The following RIMBP2 variants were observed in gnomAD, a reference collection of about 807,000 sequenced individuals.
The protein encoded by RIMBP2 is RIMS-binding protein 2.
Under a neutral mutation model 118.6 loss-of-function variants are expected in RIMBP2, and 48 were observed. The ratio of observed to expected loss-of-function variants is 0.40; its 90% confidence interval spans 0.32 to 0.51. The LOEUF (loss-of-function observed/expected upper bound fraction) is 0.51. Among genes scored for constraint, RIMBP2 ranks in the 20% least tolerant of loss-of-function variants. The pLI is 0.41. For synonymous variants in RIMBP2, 762 were observed against 742.9 expected (o/e 1.03, Z -0.42); for missense variants, 1,551 against 1,768.3 (o/e 0.88, Z 2.20).
chr12:130,513,510 G>C (rs1196407061), intron 3 of RIMBP2, among the ~76,000 whole-genome samples: 1 of 14,134 alleles, frequency 7.1e-5, no homozygotes, highest in African/African-American at 1.4e-4. Context: ...GGCCCAGTGC[G>C]GGGAGGAGGG....
intron 2 of RIMBP2, among the ~76,000 whole-genome samples, chr12:130,573,762 C>G (rs2057880973): frequency 6.6e-6 from 1 of 152,082 alleles, no homozygotes; most frequent in South Asian, 2.1e-4. Context: ...CAGCATGACA[C>G]AGCCGAGCTG....
chr12:130,620,441 G>A lies in RIMBP2; in HGVS notation c.-217+7881C>T, dbSNP rs149530778. ...GGTGGCCAGCACCAGGTTCTGCTGC[G>A]TGCAACCAGAGACCTCACGTTAGTT... On this transcript the variant is annotated intron_variant, in intron 2 of 22. Transcript: ENST00000690449. This position sits in a 1 kb window ranked among gnomAD's most constrained non-coding sequence, Gnocchi z 5.3. Among the ~76,000 whole-genome samples, 233 of 152,224 alleles carry A rather than the reference G, an allele frequency of 1.5e-3. 1 individual carries two copies. The highest frequency in any genetic ancestry group is 5.3e-3 in the African/African-American group (220 of 41,526).
intron 2 of RIMBP2, among the ~76,000 whole-genome samples, chr12:130,557,735 G>A (rs183468374): frequency 2.4e-4 from 36 of 152,302 alleles, no homozygotes; most frequent in Admixed American, 6.5e-4. Context: ...AGCTACCTGC[G>A]GAGATTGATT....
intron 2 of RIMBP2, among the ~76,000 whole-genome samples, chr12:130,592,561 C>A (rs1010235037): frequency 1.3e-5 from 2 of 151,942 alleles, no homozygotes; most frequent in Middle Eastern, 3.2e-3. Context: ...CAGTGGCAGG[C>A]GCCTGTAATC....
rs59695836 is a variant in RIMBP2 at position 130,420,347 on chromosome 12, CAT to C, written c.3238+2104_3238+2105del. On this transcript the variant is annotated intron_variant, in intron 17 of 22. Coordinates refer to ENST00000690449, the MANE Select transcript of RIMBP2 (RefSeq NM_001393629.1). The surrounding 1 kb of genome is among the most constrained non-coding windows in gnomAD (Gnocchi z 4.3). ...GTCAGCACAATTAAAGCAAACCTATCATAGGTTTGTCAGTTAACTCTTTTCTG... is the reference window on the plus strand; with the variant it reads ...GTCAGCACAATTAAAGCAAACCTATCAGGTTTGTCAGTTAACTCTTTTCTG... Among the ~76,000 whole-genome samples the C allele has an allele frequency of 0.081, 12,274 of 152,182 alleles. 810 individuals are homozygous for C. Among genetic ancestry groups the C allele is most frequent in the Admixed American group, 0.2 (3,050 of 15,288 alleles).
intron 12 of RIMBP2, 134 bp from the exon 13 acceptor site, chr12:130,437,425 C>G (rs972208354): frequency 1.5e-5 from 11 of 722,218 alleles, no homozygotes; most frequent in Non-Finnish European, 2.3e-5. Flanking sequence ...TCCAACCACC[C>G]GCCAGGTATG....
chr12:130,640,441 A>G (rs1382261369), intron 1 of RIMBP2, among the ~76,000 whole-genome samples: 1 of 152,174 alleles, frequency 6.6e-6, no homozygotes, highest in Non-Finnish European at 1.5e-5. Context: ...GTATCGTGCT[A>G]TTTTCTAAAA....
chr12:130,510,764 C>T (rs573967835), intron 3 of RIMBP2, among the ~76,000 whole-genome samples: 5 of 152,166 alleles, frequency 3.3e-5, no homozygotes, highest in Admixed American at 6.5e-5. Context: ...CCACCTCACC[C>T]GGCTGATATT....
At position 130,525,754 on chromosome 12, in the gene RIMBP2, G is replaced by A. The variant is rs577964200; in HGVS notation, c.-216-7837C>T. Among the ~76,000 whole-genome samples the A allele has an allele frequency of 5.3e-5, 8 of 152,268 alleles. No homozygotes were observed. The South Asian group carries it at 1.4e-3, about 28-fold the overall frequency. ...TGATGCAGCAGCTTTGATCCCCTGG[G>A]CTTCTACGCTGGGCCAAGAACCAAC... On this transcript the variant is annotated intron_variant, in intron 2 of 22. Transcript: ENST00000690449. This position sits in a 1 kb window ranked among gnomAD's most constrained non-coding sequence, Gnocchi z 4.4.
intron 2 of RIMBP2, among the ~76,000 whole-genome samples, chr12:130,533,093 A>G (rs10744464): frequency 0.66 from 92,033 of 138,896 alleles, 30,379 homozygotes; most frequent in East Asian, 0.86. Flanking sequence ...TAGGAGGGAC[A>G]TCTAATGAGA....
chr12:130,636,996 G>C (rs1467248504), intron 1 of RIMBP2, among the ~76,000 whole-genome samples: 1 of 152,210 alleles, frequency 6.6e-6, no homozygotes, highest in Non-Finnish European at 1.5e-5. Context: ...GAAGAGCAGA[G>C]AATCATGAAG....
chr12:130,558,063 T>C (rs563317390), intron 2 of RIMBP2, among the ~76,000 whole-genome samples: 3 of 152,236 alleles, frequency 2.0e-5, no homozygotes, highest in Non-Finnish European at 4.4e-5. Flanking sequence ...ACGTCTGGCA[T>C]AGAATCAATG....
intron 1 of RIMBP2, among the ~76,000 whole-genome samples, chr12:130,634,595 CTT>C (rs35020214): frequency 0.61 from 90,389 of 149,034 alleles, 27,907 homozygotes; most frequent in Admixed American, 0.69. Flanking sequence ...TTAAAGATGA[CTT>C]TTTTTTTTTT....
chr12:130,396,411 A>G lies in RIMBP2; in HGVS notation c.*950T>C, dbSNP rs971224795. ...AGTGGACAAGAATTACAAAAGAGTA[A>G]CCATCAAATACATCTGCCAGCAACT... On this transcript the variant is annotated 3_prime_UTR_variant, in exon 23 of 23. Transcript: ENST00000690449. The G allele has an allele frequency of 4.6e-5, 7 of 152,672 alleles. No homozygotes were observed. Among genetic ancestry groups the G allele is most frequent in the Non-Finnish European group, 1.0e-4 (7 of 68,042 alleles). 9.5% of individuals were successfully genotyped at this position (152,672 alleles called of 1,614,324 possible).
Position 130,623,662 on chromosome 12 carries a change from T to G in RIMBP2, c.-217+4660A>C, listed in dbSNP as rs2061453525. The stretch of plus-strand genomic sequence containing the variant: ...GCGCTCAACTCCATGCACACCAAGC[T>G]GGTTACCACCAACACCTGCATTTCT... On this transcript the variant is annotated intron_variant, in intron 2 of 22. Coordinates refer to ENST00000690449, the MANE Select transcript of RIMBP2 (RefSeq NM_001393629.1). The surrounding 1 kb of genome is among the most constrained non-coding windows in gnomAD (Gnocchi z 4.1). Among the ~76,000 whole-genome samples the G allele has an allele frequency of 6.6e-6, 1 of 152,168 alleles. No homozygotes were observed. The highest frequency in any genetic ancestry group is 2.1e-4 in the South Asian group (1 of 4,826).
intron 2 of RIMBP2, among the ~76,000 whole-genome samples, chr12:130,613,983 C>A (rs1054139021): frequency 2.0e-5 from 3 of 152,110 alleles, no homozygotes; most frequent in African/African-American, 7.2e-5. Context: ...CTCATGCCAC[C>A]CTGCAATGGT....
intron 1 of RIMBP2, among the ~76,000 whole-genome samples, chr12:130,714,893 C>T (rs1214302450): frequency 2.0e-5 from 3 of 152,198 alleles, no homozygotes; most frequent in Non-Finnish European, 4.4e-5. Context: ...TGGGAGGGAG[C>T]CAGGGAGGGG....
At chr12:130,522,753 G>A (rs2052285336) in intron 2 of RIMBP2, among the ~76,000 whole-genome samples, 2 of 152,128 alleles carry the variant, frequency 1.3e-5, no homozygotes, top group Non-Finnish European at 2.9e-5. Context: ...GGCCCACAGT[G>A]CCTGAGGCTG....
chr12:130,691,136 C>T (rs77522960), intron 1 of RIMBP2, among the ~76,000 whole-genome samples: 4,368 of 152,276 alleles, frequency 0.029, 212 homozygotes, highest in African/African-American at 0.1. Flanking sequence ...AAATCTCAAA[C>T]GCCTCCAGGA....
Sources: allele counts gnomAD v4.1 joint callset (sites outside exome capture counted in the v4.1 genomes callset), GRCh38; gene constraint gnomAD v4.1.1; non-coding constraint Gnocchi (gnomAD v3.1); transcripts MANE v1.5; gene names NCBI Gene and HGNC (gene_info 2026-07-23, HGNC 2026-07-21).